The following ATP2B2 variants were observed in gnomAD, a reference collection of about 807,000 sequenced individuals.
ATP2B2 encodes ATPase plasma membrane Ca2+ transporting 2.
ATP2B2 carries 15 observed loss-of-function variants against 120.0 expected under a neutral mutation model. The ratio of observed to expected loss-of-function variants is 0.12; its 90% CI spans 0.08 to 0.19. The LOEUF is 0.19. Among genes scored for constraint, ATP2B2 ranks in the 10% least tolerant of loss-of-function variants. The pLI, the probability that ATP2B2 is intolerant of heterozygous loss-of-function variation, is 1.00. For synonymous variants in ATP2B2, 694 were observed against 700.3 expected, an observed-to-expected ratio of 0.99 and a Z score of 0.14; for missense variants, 1,045 against 1,719.8, an observed-to-expected ratio of 0.61 and a Z score of 6.94.
chr3:10,349,364 A>G (rs186436921), intron 16 of ATP2B2, among the ~76,000 whole-genome samples: 3 of 152,180 alleles, frequency 2.0e-5, no homozygotes, highest in Non-Finnish European at 4.4e-5. Context: ...CTGAGGCAGG[A>G]GGATGGCTTG....
At chr3:10,388,138 A>G (rs1255523345) in intron 6 of ATP2B2, 139 bp downstream of exon 6, 4 of 1,279,310 alleles carry the variant, frequency 3.1e-6, no homozygotes, top group Non-Finnish European at 4.5e-6. Flanking sequence ...GCAGGCCTTA[A>G]GGATGCAGGA....
intron 2 of ATP2B2, among the ~76,000 whole-genome samples, chr3:10,412,257 C>T (rs938810781): frequency 2.0e-5 from 3 of 152,296 alleles, no homozygotes; most frequent in Non-Finnish European, 2.9e-5. Context: ...TTGACAAACC[C>T]CAGGTGTATT....
chr3:10,594,233 T>C (rs2068710002), intron 2 of ATP2B2, among the ~76,000 whole-genome samples: 1 of 152,260 alleles, frequency 6.6e-6, no homozygotes, highest in Admixed American at 6.5e-5. Context: ...ACCCAAAAGA[T>C]TATAAATCAT....
Position 10,325,853 on chromosome 3 carries a change from G to C in ATP2B2, c.*2961C>G, listed in dbSNP as rs1414790604. 2 of 152,156 alleles carry C rather than the reference G, an allele frequency of 1.3e-5. No homozygotes were observed. Among genetic ancestry groups the C allele is most frequent in the African/African-American group, 4.8e-5 (2 of 41,416 alleles). 9.4% of individuals were successfully genotyped at this position (152,156 alleles called of 1,614,324 possible). ...GAGCTTAGCTCTCAGAACCAAATCTGCCACTTACTCCTGGAGCCCTTGTCT... is the reference window on the plus strand; with the variant it reads ...GAGCTTAGCTCTCAGAACCAAATCTCCCACTTACTCCTGGAGCCCTTGTCT... On this transcript the variant is annotated 3_prime_UTR_variant, in exon 23 of 23. Transcript: ENST00000360273.
chr3:10,586,954 C>T (rs571500846), intron 2 of ATP2B2, among the ~76,000 whole-genome samples: 1 of 152,332 alleles, frequency 6.6e-6, no homozygotes, highest in African/African-American at 2.4e-5. Context: ...CTCTGCCTCA[C>T]ATCTCGCCCT....
chr3:10,514,876 G>T (rs1170424167), intron 3 of ATP2B2, among the ~76,000 whole-genome samples: 1 of 152,190 alleles, frequency 6.6e-6, no homozygotes, highest in Non-Finnish European at 1.5e-5. Context: ...CCCTGCAGGT[G>T]GCCCCAGGGG....
At chr3:10,576,861 G>A (rs1051740698) in intron 2 of ATP2B2, among the ~76,000 whole-genome samples, 19 of 151,916 alleles carry the variant, frequency 1.3e-4, no homozygotes, top group Admixed American at 4.6e-4. Flanking sequence ...TCAGGAATTC[G>A]AGACCAGCCT....
intron 1 of ATP2B2, among the ~76,000 whole-genome samples, chr3:10,457,225 T>C (rs1261847526): frequency 2.0e-5 from 3 of 151,588 alleles, no homozygotes; most frequent in Non-Finnish European, 4.4e-5. Flanking sequence ...TGTGGGTGTG[T>C]AGGGTGTATG....
At chr3:10,570,000 T>C (rs908705069) in intron 2 of ATP2B2, 1 of 152,186 alleles carries the variant, frequency 6.6e-6, no homozygotes. Context: ...TGGAAGAATA[T>C]TTAAAATCCA....
rs771688490 is a variant in ATP2B2 at position 10,388,219 on chromosome 3, A to C, written c.907+58T>G. On this transcript the variant is annotated intron_variant, in intron 6 of 22. Transcript: ENST00000360273. ...TATTTTGTTGAGTGAACAAATAAAC[A>C]AAAAAAAAATGTGGCCTTAAGAGCT... is the stretch of plus-strand genomic sequence containing the variant. 78 of 1,353,158 alleles carry C rather than the reference A, an allele frequency of 5.8e-5. No homozygotes were observed. In the African/African-American group the frequency reaches 9.3e-4, roughly 16 times the overall value. 83.8% of individuals were successfully genotyped at this position (1,353,158 alleles called of 1,614,324 possible).
intron 1 of ATP2B2, among the ~76,000 whole-genome samples, chr3:10,623,164 G>C (rs2069599159): frequency 6.7e-6 from 1 of 148,496 alleles, no homozygotes; most frequent in Admixed American, 6.9e-5. Flanking sequence ...CTGGCCTCAA[G>C]TGATCCTCCT....
intron 2 of ATP2B2, among the ~76,000 whole-genome samples, chr3:10,616,239 G>A (rs1219972432): frequency 2.0e-5 from 3 of 152,156 alleles, no homozygotes; most frequent in African/African-American, 7.2e-5. Flanking sequence ...TTTTAAAGAT[G>A]TGATTAAGTT....
At position 10,618,328 on chromosome 3, in the gene ATP2B2, T is replaced by A. The variant is rs186728900; in HGVS notation, c.-415+1589A>T. 2.6e-5 allele frequency among the ~76,000 whole-genome samples: 4 copies of A among 152,278 alleles called. No homozygotes were observed. In the South Asian group the frequency reaches 6.2e-4, roughly 24 times the overall value. On this transcript the variant is annotated intron_variant, in intron 2 of 21. Transcript: ENST00000646379. ...AACCTATGTAAGAGGTGAACCTTAGTACTGTGCCTGGCACATGGTAGGGCA... is the reference window on the plus strand; with the variant it reads ...AACCTATGTAAGAGGTGAACCTTAGAACTGTGCCTGGCACATGGTAGGGCA...
chr3:10,606,937 AGG>A (rs562945412), intron 2 of ATP2B2, among the ~76,000 whole-genome samples: 1,066 of 74,192 alleles, frequency 0.014, 14 homozygotes, highest in African/African-American at 0.075. Flanking sequence ...AGAGAGAGAG[AGG>A]GAGAGGGAGA....
intron 1 of ATP2B2, among the ~76,000 whole-genome samples, chr3:10,480,495 C>A (rs2065368967): frequency 6.6e-6 from 1 of 152,178 alleles, no homozygotes; most frequent in African/African-American, 2.4e-5. Flanking sequence ...CTGAGTGTCT[C>A]TTCTGAAGCA....
At chr3:10,584,048 C>T (rs879573259) in intron 2 of ATP2B2, among the ~76,000 whole-genome samples, 2 of 152,242 alleles carry the variant, frequency 1.3e-5, no homozygotes, top group Non-Finnish European at 2.9e-5. Flanking sequence ...AGCCGCTGCC[C>T]TCCTGCAAGG....
intron 1 of ATP2B2, among the ~76,000 whole-genome samples, chr3:10,678,322 C>T (rs2071294725): frequency 6.6e-6 from 1 of 152,220 alleles, no homozygotes; most frequent in South Asian, 2.1e-4. Context: ...AAATGAGATT[C>T]TGTAGCATGA....
chr3:10,579,585 G>C (rs1251434249), intron 2 of ATP2B2, among the ~76,000 whole-genome samples: 3 of 152,202 alleles, frequency 2.0e-5, no homozygotes, highest in Non-Finnish European at 4.4e-5. Flanking sequence ...GAGGCGGGCA[G>C]AGCACCTGAG....
At chr3:10,608,101 C>G (rs948510805) in intron 2 of ATP2B2, among the ~76,000 whole-genome samples, 1 of 152,230 alleles carries the variant, frequency 6.6e-6, no homozygotes, top group Non-Finnish European at 1.5e-5. Context: ...CAGAGCTGTC[C>G]CCTGCTGTCT....
Sources: gnomAD v4.1 joint callset for allele counts (sites outside exome capture counted in the v4.1 genomes callset) on GRCh38, gnomAD v4.1.1 for gene constraint, MANE v1.5 for transcripts, NCBI Gene and HGNC (gene_info 2026-07-23, HGNC 2026-07-21) for gene names.